TTN: variants seen among roughly 807,000 people sequenced by gnomAD.
The protein encoded by TTN is connectin.
In TTN, 1,525 loss-of-function variants were observed where a neutral mutation model predicts 3,223.0. The ratio of observed to expected loss-of-function variants is 0.47; its 90% CI spans 0.45 to 0.49. The LOEUF is 0.49. TTN is among the 20% of genes least tolerant of loss of function. TTN has a pLI of 0.00. For missense variants in TTN, 40,786 were observed against 43,424.0 expected (o/e 0.94, Z 5.40); for synonymous variants, 14,094 against 15,161.0 (o/e 0.93, Z 5.17).
chr2:178,633,366 A>T, intron 232 of TTN, 40 bp from the exon 233 acceptor site: 1 of 1,613,034 alleles, frequency 6.2e-7, no homozygotes, highest in Non-Finnish European at 8.5e-7. Flanking sequence ...TGAACTAATA[A>T]ACTGCAGATT....
intron 164 of TTN, 121 bp downstream of exon 164, chr2:178,665,587 C>G (rs547038837): frequency 7.6e-7 from 1 of 1,312,560 alleles, no homozygotes; most frequent in Admixed American, 2.1e-5. Context: ...AGGAGGTATA[C>G]AATCTTGAGG....
chr2:178,631,356 T>A, intron 236 of TTN, 56 bp from the exon 237 acceptor site: 1 of 1,517,568 alleles, frequency 6.6e-7, no homozygotes. Flanking sequence ...GAAATGACAA[T>A]CTCTTGGAAA....
Position 178,635,811 on chromosome 2 carries a change from A to G in TTN, c.41609-96T>C, listed in dbSNP as rs1047092365. 1.3e-4 allele frequency: 200 copies of G among 1,516,202 alleles called. 1 individual carries two copies. Among genetic ancestry groups the G allele is most frequent in the Middle Eastern group, 5.6e-4 (3 of 5,316 alleles). 93.9% of individuals were successfully genotyped at this position (1,516,202 alleles called of 1,614,324 possible). A position where few individuals can be genotyped will look rare whatever the true frequency, so the allele number is the denominator to read the frequency against. ...TTTCAGGAATAGGAAAAATTTCACAATACTGGGCATAATTAATCCACTGTA... is the reference window on the plus strand; with the variant it reads ...TTTCAGGAATAGGAAAAATTTCACAGTACTGGGCATAATTAATCCACTGTA... On this transcript the variant is annotated intron_variant, in intron 226 of 362. Coordinates refer to ENST00000589042, the MANE Select transcript of TTN (RefSeq NM_001267550.2).
At position 178,561,135 on chromosome 2, in the gene TTN, C is replaced by T; in HGVS notation, c.84997G>A (p.Ala28333Thr). Residue 28333 changes from alanine (A) to threonine (T), a missense_variant, in exon 326 of 363, where the codon GCT (alanine) becomes ACT (threonine). Coordinates refer to ENST00000589042, the MANE Select transcript of TTN (RefSeq NM_001267550.2). ...TCAGATGGCTCACTAACTGAGTCAG[C>T]AGCATTCCTTGCAAAAACCCGGAAT... is the stretch of plus-strand genomic sequence containing the variant. ...YEFRVFARNA[A>T]DSVSEPSEST... is the part of the protein sequence containing the mutation. 6.2e-7 allele frequency: 1 copy of T among 1,613,634 alleles called. No homozygotes were observed. Among genetic ancestry groups the T allele is most frequent in the East Asian group, 2.2e-5 (1 of 44,846 alleles).
In TTN at chr2:178,612,323, G is replaced by A. The variant is rs938879027; in HGVS notation, c.50202C>T (p.Ser16734=). The change falls in exon 266 of 363, where the codon AGC becomes AGT. Residue 16734 remains serine, a synonymous_variant. Transcript: ENST00000589042. The part of the protein sequence containing the change: ...RVAAENAIGQ[S]DYTEIEDSVL... ...CAGAGTCCTCAATTTCGGTGTAGTC[G>A]CTTTGTCCTATAGCATTTTCTGCAG... 14 of 1,612,518 alleles carry A rather than the reference G, an allele frequency of 8.7e-6. No individual in the cohort carries two copies. Among genetic ancestry groups the A allele is most frequent in the Admixed American group, 1.7e-5 (1 of 59,932 alleles).
chr2:178,597,825 A>C lies in TTN; in HGVS notation c.57263-6T>G, dbSNP rs562237741. ...TAGCTGAAGGTCAGGTGAAACTGGA[A>C]GCAATTGAAAATTACAAATGTGATT... is the stretch of plus-strand genomic sequence containing the variant. On this transcript the variant is annotated splice_polypyrimidine_tract_variant and splice_region_variant and intron_variant, in intron 293 of 362. Coordinates refer to ENST00000589042, the MANE Select transcript of TTN (RefSeq NM_001267550.2). 1.9e-6 allele frequency: 3 copies of C among 1,612,848 alleles called. No homozygotes were observed. Among genetic ancestry groups the C allele is most frequent in the Admixed American group, 3.3e-5 (2 of 59,872 alleles).
intron 291 of TTN, 24 bp from the exon 292 acceptor site, chr2:178,598,678 G>C (rs372949690): frequency 1.9e-6 from 3 of 1,602,672 alleles, no homozygotes; most frequent in Non-Finnish European, 2.5e-6. Flanking sequence ...GTATACGTTA[G>C]TATTCTTGAC....
intron 113 of TTN, among the ~76,000 whole-genome samples, 174 bp from the exon 114 acceptor site, chr2:178,696,443 T>C: frequency 6.6e-6 from 1 of 151,414 alleles, no homozygotes; most frequent in Non-Finnish European, 1.5e-5. Flanking sequence ...CATAGTAGAG[T>C]ATCAAGATGC....
At chr2:178,640,442 T>C in intron 221 of TTN, 99 bp downstream of exon 221, 1 of 1,106,438 alleles carries the variant, frequency 9.0e-7, no homozygotes, top group South Asian at 1.4e-5. Flanking sequence ...ATTAACAGAT[T>C]AAGGTCATGT....
At position 178,696,000 on chromosome 2, in the gene TTN, C is replaced by T. The variant is rs778628814; in HGVS notation, c.31072G>A (p.Glu10358Lys). 23 of 1,548,486 alleles carry T rather than the reference C, an allele frequency of 1.5e-5. No homozygotes were observed. The highest frequency in any genetic ancestry group is 2.7e-5 in the African/African-American group (2 of 72,828). The change falls in exon 114 of 363, where the codon GAG (glutamate) becomes AAG (lysine). Residue 10358 changes from glutamate (E) to lysine (K), a missense_variant. Glu to Lys is a moderately conservative substitution (Grantham distance 56). Transcript: ENST00000589042. ...IKVEAKKEVH[E>K]EWEEDFEEGQ... ...TCTTCAAAATCTTCTTCCCATTCCT[C>T]GTGAACTTCTTTTTTAGCTTCTACC...
chr2:178,638,827 T>C (rs1022971644), intron 223 of TTN, among the ~76,000 whole-genome samples: 1 of 152,028 alleles, frequency 6.6e-6, no homozygotes, highest in African/African-American at 2.4e-5. Context: ...ATGTGCAGTT[T>C]TGTTATGTGG....
chr2:178,664,220 TC>T, intron 168 of TTN, 122 bp from the exon 169 acceptor site: 1 of 1,004,300 alleles, frequency 1.0e-6, no homozygotes. Context: ...GGTAACAAGT[TC>T]CCATAATAGG....
At chr2:178,799,333 T>G in intron 6 of TTN, 154 bp downstream of exon 6, 2 of 1,192,074 alleles carry the variant, frequency 1.7e-6, no homozygotes, top group South Asian at 1.4e-5. Context: ...ACCTGCCCGT[T>G]TGTATGCTCC....
At chr2:178,768,259 T>G in intron 38 of TTN, 104 bp from the exon 39 acceptor site, 1 of 1,323,864 alleles carries the variant, frequency 7.6e-7, no homozygotes, top group Non-Finnish European at 1.1e-6. Flanking sequence ...TTCAATGAAT[T>G]TCCATGTATT....
intron 49 of TTN, among the ~76,000 whole-genome samples, chr2:178,736,984 G>C (rs2081569151): frequency 6.6e-6 from 1 of 152,020 alleles, no homozygotes; most frequent in Non-Finnish European, 1.5e-5. Context: ...AAGACCAAGG[G>C]ACAGCCTTCC....
At chr2:178,794,154 C>T (rs2093651100) in intron 8 of TTN, among the ~76,000 whole-genome samples, 2 of 148,382 alleles carry the variant, frequency 1.3e-5, no homozygotes, top group East Asian at 4.8e-4. Context: ...TTGACTTTTG[C>T]CTGCTCATAT....
At chr2:178,782,101 C>G in intron 20 of TTN, 111 bp downstream of exon 20, 1 of 1,269,588 alleles carries the variant, frequency 7.9e-7, no homozygotes, top group East Asian at 2.4e-5. Flanking sequence ...AAGAAGGCTC[C>G]ACAATGAAAG....
Position 178,564,907 on chromosome 2 carries a change from T to C in TTN, c.81225A>G (p.Pro27075=), listed in dbSNP as rs1420885716. Residue 27075 remains proline, a synonymous_variant, in exon 326 of 363, where the codon CCA becomes CCG. Transcript: ENST00000589042. ...TTGATGTCACAAAAGGAGTTCCAGGTGGTCCAGGTTCTTTAAATGGATATT... is the reference window on the plus strand; with the variant it reads ...TTGATGTCACAAAAGGAGTTCCAGGCGGTCCAGGTTCTTTAAATGGATATT... The part of the protein sequence containing the change: ...IVQYPFKEPG[P]PGTPFVTSIS... The C allele has an allele frequency of 6.2e-7, 1 of 1,612,536 alleles. No homozygotes were observed. Among genetic ancestry groups the C allele is most frequent in the Admixed American group, 1.7e-5 (1 of 59,828 alleles).
chr2:178,670,219 T>C lies in TTN; in HGVS notation c.35385A>G (p.Lys11795=). Residue 11795 remains lysine, a splice_region_variant and synonymous_variant, in exon 157 of 363, where the codon AAA becomes AAG. Coordinates refer to ENST00000589042, the MANE Select transcript of TTN (RefSeq NM_001267550.2). ...TGATGAATGAGAAAAGCCAGTTACCTTTAGTTGGTGGAACTCTGGGCTCTT... is the reference window on the plus strand; with the variant it reads ...TGATGAATGAGAAAAGCCAGTTACCCTTAGTTGGTGGAACTCTGGGCTCTT... The part of the protein sequence containing the change: ...VPEEPRVPPT[K]APEVPKKIVP... 6.8e-7 allele frequency: 1 copy of C among 1,465,436 alleles called. No homozygotes were observed. Among genetic ancestry groups the C allele is most frequent in the Non-Finnish European group, 9.0e-7 (1 of 1,112,838 alleles). 90.8% of individuals were successfully genotyped at this position (1,465,436 alleles called of 1,614,324 possible).
Sources: allele counts gnomAD v4.1 joint callset (sites outside exome capture counted in the v4.1 genomes callset), GRCh38; gene constraint gnomAD v4.1.1; transcripts MANE v1.5; gene names NCBI Gene and HGNC (gene_info 2026-07-23, HGNC 2026-07-21).